The following ANO2 variants were observed in gnomAD, a reference collection of about 807,000 sequenced individuals.
The protein encoded by ANO2 is anoctamin-2.
In ANO2, 101 loss-of-function variants were observed where a neutral mutation model predicts 124.2. The ratio of observed to expected loss-of-function variants is 0.81; its 90% CI spans 0.69 to 0.96. The LOEUF (loss-of-function observed/expected upper bound fraction) is 0.96. Ranked by LOEUF, ANO2 falls within the 40% of genes least tolerant of loss-of-function variation. The probability of loss-of-function intolerance (pLI) is 0.00; values close to 1 mark genes in which losing one functional copy is unlikely to be tolerated. For missense variants in ANO2, 1,293 were observed against 1,274.5 expected (o/e 1.01, Z -0.22); for synonymous variants, 486 against 482.5 (o/e 1.01, Z -0.09).
chr12:5,611,543 G>C (rs956127659), intron 19 of ANO2, among the ~76,000 whole-genome samples: 2 of 152,140 alleles, frequency 1.3e-5, no homozygotes, highest in Non-Finnish European at 2.9e-5. Context: ...GTAGCTCAGG[G>C]CCTACTCTCT....
intron 10 of ANO2, among the ~76,000 whole-genome samples, chr12:5,779,722 G>T (rs1277772167): frequency 6.6e-6 from 1 of 152,180 alleles, no homozygotes; most frequent in East Asian, 1.9e-4. Flanking sequence ...GTTTTGGAAA[G>T]GACCAAAGTG....
At chr12:5,781,552 C>T (rs993089933) in intron 10 of ANO2, among the ~76,000 whole-genome samples, 13 of 152,288 alleles carry the variant, frequency 8.5e-5, no homozygotes, top group Admixed American at 7.8e-4. Flanking sequence ...AATTTGGGCA[C>T]CCTTAAAAAG....
In ANO2 at chr12:5,637,145, T is replaced by C. The variant is rs112604082; in HGVS notation, c.1621-1798A>G. Among the ~76,000 whole-genome samples, 518 of 152,212 alleles carry C rather than the reference T, an allele frequency of 3.4e-3. 3 individuals are homozygous for C. The highest frequency in any genetic ancestry group is 0.012 in the African/African-American group (493 of 41,516). ...CTACTATCGTGTAACTGGGAAAACC[T>C]GGACATGACATCACCCCTCTCCAAC... On this transcript the variant is annotated intron_variant, in intron 15 of 24. Transcript: ENST00000682330.
intron 23 of ANO2, among the ~76,000 whole-genome samples, chr12:5,567,238 C>T (rs1941821800): frequency 6.6e-6 from 1 of 152,200 alleles, no homozygotes; most frequent in South Asian, 2.1e-4. Flanking sequence ...AAGCTAACTG[C>T]AGCCCAGCAG....
In ANO2 at chr12:5,904,408, G is replaced by A. The variant is rs1337727730; in HGVS notation, c.534+16632C>T. Among the ~76,000 whole-genome samples the A allele has an allele frequency of 6.6e-6, 1 of 152,224 alleles. No homozygotes were observed. The highest frequency in any genetic ancestry group is 2.4e-5 in the African/African-American group (1 of 41,460). ...ATGAGTGGGATTGGAAGGAGGGAGA[G>A]TGATGGGAAAACCACATGGAAGGGA... is the stretch of plus-strand genomic sequence containing the variant. On this transcript the variant is annotated intron_variant, in intron 3 of 24. Transcript: ENST00000682330. The surrounding 1 kb of genome is among the most constrained non-coding windows in gnomAD (Gnocchi z 4.1).
intron 19 of ANO2, among the ~76,000 whole-genome samples, chr12:5,608,054 G>A (rs913939749): frequency 6.6e-6 from 1 of 152,036 alleles, no homozygotes; most frequent in Non-Finnish European, 1.5e-5. Context: ...GGACCACTGT[G>A]TTAGGCCACC....
Position 5,878,645 on chromosome 12 carries a change from C to T in ANO2, c.535-24504G>A, listed in dbSNP as rs541534021. 6.6e-5 allele frequency among the ~76,000 whole-genome samples: 10 copies of T among 152,232 alleles called. No homozygotes were observed. The East Asian group carries it at 1.7e-3, about 26-fold the overall frequency. ...CATAGACAAACAAATAACATAGTACCCAATACCAATAAAGCTAGAGATCAT... is the reference window on the plus strand; with the variant it reads ...CATAGACAAACAAATAACATAGTACTCAATACCAATAAAGCTAGAGATCAT... On this transcript the variant is annotated intron_variant, in intron 3 of 24. Coordinates refer to ENST00000682330, the MANE Select transcript of ANO2 (RefSeq NM_001364791.2).
Position 5,921,341 on chromosome 12 carries a change from T to C in ANO2, c.233A>G (p.Asn78Ser), listed in dbSNP as rs989196157. The change falls in exon 3 of 25, where the codon AAT becomes AGT. Residue 78 changes from asparagine to serine, a missense_variant. Transcript: ENST00000682330. ...ACGGGCCTCCAAGGACACAGGCTCA[T>C]TGGCATCCAGATAGTTGTTGATGAC... ...SSVINNYLDA[N>S]EPVSLEARLS... 1.2e-6 allele frequency: 2 copies of C among 1,613,732 alleles called. No homozygotes were observed. Among genetic ancestry groups the C allele is most frequent in the Admixed American group, 1.7e-5 (1 of 59,994 alleles).
intron 14 of ANO2, among the ~76,000 whole-genome samples, chr12:5,657,864 A>G (rs1947239483): frequency 6.6e-6 from 1 of 152,194 alleles, no homozygotes; most frequent in African/African-American, 2.4e-5. Context: ...CTGCTTTCAC[A>G]AAATAAATGC....
intron 12 of ANO2, chr12:5,740,270 C>G (rs148531850): frequency 1.9e-5 from 4 of 215,156 alleles, no homozygotes; most frequent in Non-Finnish European, 3.8e-5. Flanking sequence ...CACGCAGCAC[C>G]TGAAAGGAGG....
chr12:5,704,057 G>T (rs1378361559), intron 14 of ANO2, among the ~76,000 whole-genome samples: 1 of 152,034 alleles, frequency 6.6e-6, no homozygotes, highest in Admixed American at 6.5e-5. Context: ...GAATGTCCAG[G>T]ATCTGATCTG....
chr12:5,573,749 T>A (rs1054094457), intron 23 of ANO2, among the ~76,000 whole-genome samples: 1 of 152,280 alleles, frequency 6.6e-6, no homozygotes, highest in East Asian at 1.9e-4. Flanking sequence ...TTGACACTTA[T>A]GAGTAAATTT....
chr12:5,826,580 AC>A (rs1953963648), intron 7 of ANO2, among the ~76,000 whole-genome samples: 1 of 152,134 alleles, frequency 6.6e-6, no homozygotes, highest in South Asian at 2.1e-4. Flanking sequence ...AAATAACATA[AC>A]ATGGAAGGTC....
chr12:5,771,996 C>T (rs935558192), intron 10 of ANO2, among the ~76,000 whole-genome samples: 2 of 152,170 alleles, frequency 1.3e-5, no homozygotes, highest in African/African-American at 2.4e-5. Context: ...GTTCATGCCC[C>T]AGCTAGCCCT....
At chr12:5,608,745 T>C (rs1220038690) in intron 19 of ANO2, 2 of 152,240 alleles carry the variant, frequency 1.3e-5, no homozygotes, top group Non-Finnish European at 2.9e-5. Context: ...CTTCAAGGCA[T>C]ACGCCATGTG....
chr12:5,757,379 T>A (rs1052980328), intron 10 of ANO2, among the ~76,000 whole-genome samples: 4 of 152,226 alleles, frequency 2.6e-5, no homozygotes, highest in African/African-American at 9.6e-5. Flanking sequence ...AGTTTGTAAA[T>A]TACCAGTTAA....
At chr12:5,808,495 G>T (rs1024091837) in intron 7 of ANO2, among the ~76,000 whole-genome samples, 1 of 152,030 alleles carries the variant, frequency 6.6e-6, no homozygotes, top group African/African-American at 2.4e-5. Flanking sequence ...CAAGGATCCC[G>T]CCATACGAGG....
chr12:5,606,253 C>T (rs1944215615), intron 19 of ANO2, among the ~76,000 whole-genome samples: 1 of 152,160 alleles, frequency 6.6e-6, no homozygotes, highest in African/African-American at 2.4e-5. Context: ...GAAGATCCTG[C>T]ACTTGGCCTT....
At position 5,563,304 on chromosome 12, in the gene ANO2, C is replaced by T; in HGVS notation, c.2992G>A (p.Val998Met). The T allele has an allele frequency of 1.3e-6, 2 of 1,598,062 alleles. No individual in the cohort carries two copies. The highest frequency in any genetic ancestry group is 2.7e-5 in the African/African-American group (2 of 74,836). ...MMSSGSQHTN[V>M] ...TCTGCTGCAGGCTGAACTGCTCACA[C>T]ATTGGTGTGCTGAGAGCCTGACGAC... Residue 998 changes from valine (V) to methionine (M), a missense_variant, in exon 25 of 25, where the codon GTG becomes ATG. Transcript: ENST00000682330.
Sources: allele counts gnomAD v4.1 joint callset (sites outside exome capture counted in the v4.1 genomes callset), GRCh38; gene constraint gnomAD v4.1.1; non-coding constraint Gnocchi (gnomAD v3.1); transcripts MANE v1.5; gene names NCBI Gene and HGNC (gene_info 2026-07-23, HGNC 2026-07-21).